Variants in NPSR1 observed in about 807,000 individuals in gnomAD.
The protein encoded by NPSR1 is neuropeptide S receptor 1.
In NPSR1, 48 loss-of-function variants were observed where a neutral mutation model predicts 46.9. That is an observed-to-expected ratio of 1.02 (90% CI 0.81 to 1.30). The LOEUF (loss-of-function observed/expected upper bound fraction) is 1.30, where lower values mean the gene tolerates loss of function less well. Ranked by LOEUF, NPSR1 falls within the 50% of genes most tolerant of loss-of-function variation. NPSR1 has a pLI of 0.00. For synonymous variants in NPSR1, 176 were observed against 168.1 expected, an observed-to-expected ratio of 1.05 and a Z score of -0.36; for missense variants, 450 against 449.5, an observed-to-expected ratio of 1.00 and a Z score of -0.01.
chr7:34,738,577 T>C (rs1034020866), intron 2 of NPSR1, among the ~76,000 whole-genome samples: 4 of 152,170 alleles, frequency 2.6e-5, no homozygotes, highest in Non-Finnish European at 4.4e-5. Context: ...CTTTTTTTTC[T>C]TGTAATTTAT....
intron 3 of NPSR1, among the ~76,000 whole-genome samples, chr7:34,790,688 TATATA>T (rs554596999): frequency 0.014 from 1,942 of 141,774 alleles, 52 homozygotes; most frequent in African/African-American, 0.046. Flanking sequence ...TTCTATGTTA[TATATA>T]ATATATGTTC....
At chr7:34,727,626 C>T (rs1333315983) in intron 2 of NPSR1, among the ~76,000 whole-genome samples, 2 of 152,154 alleles carry the variant, frequency 1.3e-5, no homozygotes, top group African/African-American at 4.8e-5. Context: ...GTGACTCAGT[C>T]AACAAACAAA....
At chr7:34,736,444 C>G (rs1374786654) in intron 2 of NPSR1, among the ~76,000 whole-genome samples, 2 of 152,064 alleles carry the variant, frequency 1.3e-5, no homozygotes, top group Non-Finnish European at 1.5e-5. Context: ...TTCACCCTGC[C>G]TCTTTTCATG....
At chr7:34,685,140 T>C (rs1025228738) in intron 2 of NPSR1, among the ~76,000 whole-genome samples, 3 of 152,218 alleles carry the variant, frequency 2.0e-5, no homozygotes, top group Non-Finnish European at 4.4e-5. Context: ...AAATGATGTG[T>C]AACACCACTA....
At chr7:34,850,787 T>C (rs1790914371), downstream of NPSR1, among the ~76,000 whole-genome samples, 1 of 152,158 alleles carries the variant, frequency 6.6e-6, no homozygotes, top group African/African-American at 2.4e-5. Flanking sequence ...AGGACAAGTC[T>C]TCCCGTTTTT....
intron 1 of NPSR1, among the ~76,000 whole-genome samples, chr7:34,662,262 TG>T (rs1416088065): frequency 2.0e-5 from 3 of 152,204 alleles, no homozygotes; most frequent in Non-Finnish European, 4.4e-5. Flanking sequence ...TATATGTAAA[TG>T]GTTGCTTCTA....
intron 1 of NPSR1, among the ~76,000 whole-genome samples, chr7:34,668,149 C>T (rs1392645694): frequency 6.6e-6 from 1 of 152,168 alleles, no homozygotes; most frequent in Admixed American, 6.5e-5. Flanking sequence ...GATATCCCCA[C>T]AGCACTCAGA....
chr7:34,763,833 C>G (rs900795065), intron 2 of NPSR1, among the ~76,000 whole-genome samples: 6 of 152,194 alleles, frequency 3.9e-5, no homozygotes, highest in Admixed American at 6.5e-5. Flanking sequence ...AACACCCTGA[C>G]TAACTAAACT....
rs182505326 is a variant in NPSR1, at chr7:34,792,655, A to G, written c.384+14090A>G. 1.1e-3 allele frequency among the ~76,000 whole-genome samples: 123 copies of G among 116,096 alleles called. 5 individuals carry two copies. Among genetic ancestry groups the G allele is most frequent in the Non-Finnish European group, 1.5e-3 (88 of 59,698 alleles). The allele number at this position is 116,096 out of a possible 152,430, so 76.2% of individuals were successfully genotyped here. On this transcript the variant is annotated intron_variant, in intron 3 of 8. Transcript: ENST00000360581. ...TGTGTGTATGTGTATATATATATGT[A>G]TATATATATTTATATATATGTATAT...
At chr7:34,817,826 T>C (rs529283365) in intron 4 of NPSR1, among the ~76,000 whole-genome samples, 1 of 152,314 alleles carries the variant, frequency 6.6e-6, no homozygotes, top group Non-Finnish European at 1.5e-5. Flanking sequence ...ATCACATGAT[T>C]ATCTCAATAG....
intron 8 of NPSR1, among the ~76,000 whole-genome samples, chr7:34,859,648 T>C (rs1249987317): frequency 6.6e-6 from 1 of 151,742 alleles, no homozygotes; most frequent in Non-Finnish European, 1.5e-5. Flanking sequence ...ATCATAACTA[T>C]CTGACAGACT....
intron 3 of NPSR1, among the ~76,000 whole-genome samples, chr7:34,796,328 A>G (rs1320223458): frequency 6.6e-6 from 1 of 152,168 alleles, no homozygotes; most frequent in Non-Finnish European, 1.5e-5. Context: ...AAAAGAACTG[A>G]TAAGCTGGCA....
chr7:34,789,256 AG>A (rs1307966200), intron 3 of NPSR1, among the ~76,000 whole-genome samples: 2 of 151,998 alleles, frequency 1.3e-5, no homozygotes, highest in Admixed American at 1.3e-4. Flanking sequence ...AAGAAGAGTC[AG>A]GGTTTCCCTT....
intron 3 of NPSR1, among the ~76,000 whole-genome samples, chr7:34,786,698 T>C (rs567515348): frequency 1.3e-5 from 2 of 152,152 alleles, no homozygotes; most frequent in South Asian, 4.1e-4. Flanking sequence ...GATGTTGTGT[T>C]AGCAGAAATG....
intron 1 of NPSR1, among the ~76,000 whole-genome samples, chr7:34,663,067 C>G (rs187595490): frequency 0.026 from 2,628 of 99,372 alleles, 47 homozygotes; most frequent in Non-Finnish European, 0.039. Context: ...CTCTCTCTCT[C>G]TGTGTGTGTG....
chr7:34,865,841 C>T (rs528874985), intron 8 of NPSR1, among the ~76,000 whole-genome samples: 1 of 151,790 alleles, frequency 6.6e-6, no homozygotes, highest in South Asian at 2.1e-4. Flanking sequence ...CATGAAGGGT[C>T]ATTCTCAGCA....
chr7:34,837,736 A>C (rs1790422822), intron 6 of NPSR1, among the ~76,000 whole-genome samples: 3 of 152,246 alleles, frequency 2.0e-5, no homozygotes, highest in Admixed American at 2.0e-4. Context: ...TATCGAATGC[A>C]CACATAAAGA....
chr7:34,772,933 CAA>C (rs1475751275), intron 2 of NPSR1, among the ~76,000 whole-genome samples: 2 of 152,138 alleles, frequency 1.3e-5, no homozygotes, highest in African/African-American at 2.4e-5. Flanking sequence ...TCCCTAGACA[CAA>C]AGAGTCCAAA....
chr7:34,747,623 T>TACAC lies in NPSR1; in HGVS notation c.281-30826_281-30823dup, dbSNP rs931582778. Among the ~76,000 whole-genome samples, 285 of 109,520 alleles carry TACAC rather than the reference T, an allele frequency of 2.6e-3. 1 individual carries two copies. The highest frequency in any genetic ancestry group is 4.3e-3 in the African/African-American group (137 of 31,624). 71.8% of individuals were successfully genotyped at this position (109,520 alleles called of 152,430 possible). A position where few individuals can be genotyped will look rare whatever the true frequency, so the allele number is the denominator to read the frequency against. On this transcript the variant is annotated intron_variant, in intron 2 of 8. Transcript: ENST00000360581. ...CAGGCATCTTAGACACACACACACATACACACACACACACACGTGCACGAG... is the reference window on the plus strand; with the variant it reads ...CAGGCATCTTAGACACACACACACATACACACACACACACACACACGTGCACGAG...
Sources: gnomAD v4.1 joint callset for allele counts (sites outside exome capture counted in the v4.1 genomes callset) on GRCh38, gnomAD v4.1.1 for gene constraint, MANE v1.5 for transcripts, NCBI Gene and HGNC (gene_info 2026-07-23, HGNC 2026-07-21) for gene names.